Variants in NEO1 observed in about 807,000 individuals in gnomAD.
NEO1 encodes the protein neogenin 1.
A neutral mutation model predicts 159.7 loss-of-function variants in NEO1; 63 were observed. That is an observed-to-expected ratio of 0.39 (90% CI 0.32 to 0.49). NEO1 has a LOEUF of 0.49. Ranked by LOEUF, NEO1 falls within the 20% of genes least tolerant of loss-of-function variation. The probability of loss-of-function intolerance (pLI) is 0.85; values close to 1 mark genes in which losing one functional copy is unlikely to be tolerated. For missense variants in NEO1, 1,615 were observed against 1,831.0 expected (o/e 0.88, Z 2.15); for synonymous variants, 633 against 662.0 (o/e 0.96, Z 0.67).
At chr15:73,183,827 G>C (rs565116396) in intron 7 of NEO1, among the ~76,000 whole-genome samples, 1 of 152,148 alleles carries the variant, frequency 6.6e-6, no homozygotes, top group African/African-American at 2.4e-5. Context: ...AGAGGAATTT[G>C]AAACCTATAG....
Position 73,052,649 on chromosome 15 carries a change from C to A in NEO1, c.-27C>A. ...CAAGGGCTCCGCGGCGCTGTCGCCG[C>A]CGCTGCCGCTCACTCTCGGGGAAGA... is the stretch of plus-strand genomic sequence containing the variant. On this transcript the variant is annotated 5_prime_UTR_variant, in exon 1 of 29. Coordinates refer to ENST00000261908, the MANE Select transcript of NEO1 (RefSeq NM_002499.4). The A allele has an allele frequency of 8.0e-7, 1 of 1,255,760 alleles. No individual in the cohort carries two copies. The highest frequency in any genetic ancestry group is 4.0e-5 in the Admixed American group (1 of 24,822). The allele number at this position is 1,255,760 out of a possible 1,614,324, so 77.8% of individuals were successfully genotyped here.
intron 5 of NEO1, among the ~76,000 whole-genome samples, chr15:73,169,020 A>G (rs1276648783): frequency 1.1e-4 from 17 of 152,210 alleles, no homozygotes; most frequent in Admixed American, 1.1e-3. Flanking sequence ...AAGCCTTTCA[A>G]ATGAAACAAT....
intron 12 of NEO1, among the ~76,000 whole-genome samples, chr15:73,253,865 A>G (rs2040206485): frequency 1.3e-5 from 2 of 152,210 alleles, no homozygotes; most frequent in Admixed American, 1.3e-4. Flanking sequence ...GTGCTGTGAG[A>G]TGAGCCATGT....
intron 5 of NEO1, among the ~76,000 whole-genome samples, chr15:73,174,669 AAAG>A (rs1215574570): frequency 4.6e-5 from 7 of 152,238 alleles, no homozygotes; most frequent in African/African-American, 9.6e-5. Flanking sequence ...CCACTACTGC[AAAG>A]AAGGACAGAT....
intron 7 of NEO1, among the ~76,000 whole-genome samples, chr15:73,210,135 AAAGTAT>A (rs1405784496): frequency 6.6e-6 from 1 of 152,224 alleles, no homozygotes; most frequent in African/African-American, 2.4e-5. Flanking sequence ...AATCAGAGTT[AAAGTAT>A]AAGACAAGAC....
intron 7 of NEO1, among the ~76,000 whole-genome samples, chr15:73,196,652 G>T (rs2036547228): frequency 6.6e-6 from 1 of 152,186 alleles, no homozygotes; most frequent in Non-Finnish European, 1.5e-5. Flanking sequence ...TATTAGAGTA[G>T]CTTTGAATAA....
At chr15:73,219,495 G>A (rs1468004752) in intron 7 of NEO1, among the ~76,000 whole-genome samples, 108 of 142,004 alleles carry the variant, frequency 7.6e-4, no homozygotes, top group South Asian at 3.4e-3. Context: ...TTTCTGTCTC[G>A]TTGATCTGTC....
At chr15:73,149,312 T>TAA (rs11370260) in intron 5 of NEO1, among the ~76,000 whole-genome samples, 277 of 137,750 alleles carry the variant, frequency 2.0e-3, no homozygotes, top group African/African-American at 6.4e-3. Context: ...AGACTCGGTC[T>TAA]AAAAAAAAAA....
At chr15:73,295,125 A>AAAATATATATATATATATAT (rs1555470480) in intron 26 of NEO1, among the ~76,000 whole-genome samples, 4 of 100,152 alleles carry the variant, frequency 4.0e-5, no homozygotes, top group Non-Finnish European at 6.5e-5. Flanking sequence ...CTAAATATTA[A>AAAATATATATATATATATAT]ATATATATAT....
chr15:73,214,471 G>A (rs2037764770), intron 7 of NEO1, among the ~76,000 whole-genome samples: 1 of 152,112 alleles, frequency 6.6e-6, no homozygotes, highest in African/African-American at 2.4e-5. Context: ...TGAGGATCCA[G>A]TTTCATTCTC....
At chr15:73,292,843 G>A (rs1333416825) in intron 25 of NEO1, among the ~76,000 whole-genome samples, 2 of 152,198 alleles carry the variant, frequency 1.3e-5, no homozygotes, top group African/African-American at 4.8e-5. Flanking sequence ...CGATTAAACA[G>A]CTACTTATTT....
At chr15:73,085,569 G>A (rs921110074) in intron 1 of NEO1, among the ~76,000 whole-genome samples, 10 of 152,172 alleles carry the variant, frequency 6.6e-5, no homozygotes, top group African/African-American at 2.4e-4. Flanking sequence ...CAGAATGGCT[G>A]TAACTTTAAA....
chr15:73,173,008 T>C (rs561527751), intron 5 of NEO1, among the ~76,000 whole-genome samples: 1 of 152,358 alleles, frequency 6.6e-6, no homozygotes, highest in South Asian at 2.1e-4. Context: ...TTTGGTTCAG[T>C]CTGTTTGGTT....
chr15:73,159,961 T>G (rs1252822859), intron 5 of NEO1, among the ~76,000 whole-genome samples: 1 of 152,214 alleles, frequency 6.6e-6, no homozygotes, highest in Non-Finnish European at 1.5e-5. Flanking sequence ...GTTCAACATC[T>G]TTTCTCATAT....
intron 16 of NEO1, among the ~76,000 whole-genome samples, chr15:73,267,086 A>G (rs926682819): frequency 2.0e-5 from 3 of 152,098 alleles, no homozygotes; most frequent in African/African-American, 4.8e-5. Flanking sequence ...GTGAAACCCT[A>G]TCTCTACTAA....
chr15:73,088,697 C>G (rs1426643759), intron 1 of NEO1, among the ~76,000 whole-genome samples: 2 of 151,634 alleles, frequency 1.3e-5, no homozygotes, highest in Non-Finnish European at 1.5e-5. Context: ...TAGTCACAGA[C>G]AAAGATGAGT....
chr15:73,172,109 G>A (rs962036674), intron 5 of NEO1, among the ~76,000 whole-genome samples: 5 of 152,100 alleles, frequency 3.3e-5, no homozygotes. Flanking sequence ...AATGGATTAA[G>A]GCATAGATGA....
rs1596317288 is a variant in NEO1, at chr15:73,196,565, G to C, written c.1291+18138G>C. 3.3e-5 allele frequency among the ~76,000 whole-genome samples: 5 copies of C among 152,304 alleles called. No homozygotes were observed. The East Asian group carries it at 9.6e-4, about 29-fold the overall frequency. On this transcript the variant is annotated intron_variant, in intron 7 of 28. Transcript: ENST00000261908. ...AACATGTAGCCTTGGCTATTTTTGTGAGTTTATGTTCACATTGCATTTTGG... is the reference window on the plus strand; with the variant it reads ...AACATGTAGCCTTGGCTATTTTTGTCAGTTTATGTTCACATTGCATTTTGG...
intron 21 of NEO1, 52 bp downstream of exon 21, chr15:73,274,776 T>G: frequency 6.5e-7 from 1 of 1,529,846 alleles, no homozygotes; most frequent in South Asian, 1.2e-5. Context: ...TGACCTATTA[T>G]TAGCTTTTGG....
Sources: gnomAD v4.1 joint callset for allele counts (sites outside exome capture counted in the v4.1 genomes callset) on GRCh38, gnomAD v4.1.1 for gene constraint, MANE v1.5 for transcripts, NCBI Gene and HGNC (gene_info 2026-07-23, HGNC 2026-07-21) for gene names.